Variants in DSCAML1 observed in about 807,000 individuals in gnomAD.
The protein encoded by DSCAML1 is cell adhesion molecule DSCAML1.
A neutral mutation model predicts 200.5 loss-of-function variants in DSCAML1; 38 were observed. The observed-to-expected ratio is 0.19, with a 90% confidence interval of 0.15 to 0.25. DSCAML1 has a LOEUF of 0.25. DSCAML1 is among the 10% of genes least tolerant of loss of function. The probability of loss-of-function intolerance (pLI) is 1.00; values close to 1 mark genes in which losing one functional copy is unlikely to be tolerated. For missense variants in DSCAML1, 2,223 were observed against 2,858.8 expected (o/e 0.78, Z 5.07); for synonymous variants, 1,215 against 1,165.0 (o/e 1.04, Z -0.87).
At chr11:117,670,927 T>G in intron 3 of DSCAML1, among the ~76,000 whole-genome samples, 1 of 152,118 alleles carries the variant, frequency 6.6e-6, no homozygotes, top group East Asian at 1.9e-4. Flanking sequence ...AGGGCCTGGG[T>G]GACAGAGGAA....
chr11:117,776,868 T>C lies in DSCAML1; in HGVS notation c.434A>G (p.Lys145Arg). 2 of 1,614,176 alleles carry C rather than the reference T, an allele frequency of 1.2e-6. No individual in the cohort carries two copies. The highest frequency in any genetic ancestry group is 1.7e-6 in the Non-Finnish European group (2 of 1,180,024). ...CTGCACTGAAGAGGGGATGAGGCACTTGAAGACGGCCACGTTGCCACGCAT... is the reference window on the plus strand; with the variant it reads ...CTGCACTGAAGAGGGGATGAGGCACCTGAAGACGGCCACGTTGCCACGCAT... Reference protein sequence around the residue: ...RSMRGNVAVFKCLIPSSVQEY... With the variant: ...RSMRGNVAVFRCLIPSSVQEY... Residue 145 changes from lysine (K) to arginine (R), a missense_variant, in exon 3 of 33, where the codon AAG (lysine) becomes AGG (arginine). Physicochemically the swap from Lys to Arg is conservative, Grantham distance 26. Transcript: ENST00000651296.
chr11:117,769,114 AT>A (rs2054952671), intron 3 of DSCAML1, among the ~76,000 whole-genome samples: 1 of 128,138 alleles, frequency 7.8e-6, no homozygotes, highest in African/African-American at 2.9e-5. Flanking sequence ...TATAATAGAT[AT>A]TTTATATATA....
At chr11:117,769,162 T>TTA (rs1443145495) in intron 3 of DSCAML1, among the ~76,000 whole-genome samples, 1 of 24,510 alleles carries the variant, frequency 4.1e-5, no homozygotes, top group Non-Finnish European at 9.7e-5. Context: ...TTTATATATA[T>TTA]TATATATTTT....
chr11:117,786,333 G>A (rs538005347), intron 1 of DSCAML1, among the ~76,000 whole-genome samples: 1 of 152,192 alleles, frequency 6.6e-6, no homozygotes, highest in Non-Finnish European at 1.5e-5. Context: ...GCACCACCCC[G>A]ATGCTGTGTT....
intron 3 of DSCAML1, among the ~76,000 whole-genome samples, chr11:117,737,739 C>G (rs932893647): frequency 1.3e-5 from 2 of 152,216 alleles, no homozygotes; most frequent in Non-Finnish European, 2.9e-5. Context: ...GAAGCCTTCA[C>G]TGAGGAGATA....
At chr11:117,587,255 C>CCA (rs538921136) in intron 3 of DSCAML1, among the ~76,000 whole-genome samples, 2 of 140,608 alleles carry the variant, frequency 1.4e-5, no homozygotes, top group Non-Finnish European at 3.1e-5. Context: ...TCTTTCCAAC[C>CCA]CCCCCCCACG....
At chr11:117,577,160 G>C (rs1383041810) in intron 3 of DSCAML1, among the ~76,000 whole-genome samples, 1 of 152,080 alleles carries the variant, frequency 6.6e-6, no homozygotes, top group African/African-American at 2.4e-5. Context: ...AATCTCTCTG[G>C]TCTCTGGCCC....
intron 3 of DSCAML1, among the ~76,000 whole-genome samples, chr11:117,739,747 A>G (rs1349630032): frequency 1.3e-5 from 2 of 152,230 alleles, no homozygotes; most frequent in African/African-American, 2.4e-5. Flanking sequence ...TGGGCAAACC[A>G]GGATGAGTTG....
chr11:117,545,238 C>CA (rs1364459447), intron 3 of DSCAML1, among the ~76,000 whole-genome samples: 1 of 142,424 alleles, frequency 7.0e-6, no homozygotes, highest in African/African-American at 2.7e-5. Context: ...AAAAAAAACA[C>CA]ACACACACAC....
Position 117,796,991 on chromosome 11 carries a change from G to A in DSCAML1, c.46+43C>T, listed in dbSNP as rs112134494. On this transcript the variant is annotated intron_variant, in intron 1 of 32. Transcript: ENST00000651296. ...GCCTCGCCGCCAGCCGCGCCACCCT[G>A]GCCCCGCCGCCTCCGCCGCCCAGCC... 5.3e-6 allele frequency: 7 copies of A among 1,327,516 alleles called. No individual in the cohort carries two copies. In the African/African-American group the frequency reaches 1.1e-4, roughly 20 times the overall value. 82.2% of individuals were successfully genotyped at this position (1,327,516 alleles called of 1,614,324 possible). A position where few individuals can be genotyped will look rare whatever the true frequency, so the allele number is the denominator to read the frequency against.
chr11:117,430,488 C>T lies in DSCAML1; in HGVS notation c.5686+234G>A, dbSNP rs548525370. ...ATTTTACAAATGAGAAACTTAAGGC[C>T]ACAGAGGTTAAATGACTTGCCCAAG... On this transcript the variant is annotated intron_variant, in intron 32 of 32. Transcript: ENST00000651296. 2.0e-4 allele frequency among the ~76,000 whole-genome samples: 31 copies of T among 152,314 alleles called. No homozygotes were observed. In the South Asian group the frequency reaches 5.0e-3, roughly 24 times the overall value.
At chr11:117,775,486 T>C (rs1038989289) in intron 3 of DSCAML1, among the ~76,000 whole-genome samples, 1 of 152,162 alleles carries the variant, frequency 6.6e-6, no homozygotes, top group Non-Finnish European at 1.5e-5. Context: ...TCCAGGAGCT[T>C]CGAATTCCCA....
At chr11:117,772,437 G>A (rs1318692889) in intron 3 of DSCAML1, among the ~76,000 whole-genome samples, 4 of 152,164 alleles carry the variant, frequency 2.6e-5, no homozygotes, top group Non-Finnish European at 5.9e-5. Flanking sequence ...GGCAAGGCAC[G>A]GTGACAACTC....
intron 11 of DSCAML1, among the ~76,000 whole-genome samples, chr11:117,488,714 T>A (rs927612871): frequency 9.8e-5 from 15 of 152,346 alleles, no homozygotes; most frequent in Admixed American, 9.1e-4. Context: ...AATACCCTGA[T>A]GTGCTTGTTT....
At chr11:117,441,291 G>A (rs909830097) in intron 21 of DSCAML1, among the ~76,000 whole-genome samples, 1 of 152,214 alleles carries the variant, frequency 6.6e-6, no homozygotes, top group Non-Finnish European at 1.5e-5. Context: ...AGTCCACAGT[G>A]CAGCCACAGC....
chr11:117,622,800 T>C (rs768409575), intron 3 of DSCAML1, among the ~76,000 whole-genome samples: 2 of 152,164 alleles, frequency 1.3e-5, no homozygotes, highest in Non-Finnish European at 2.9e-5. Flanking sequence ...TCAAGGCACC[T>C]GGCATGCGGA....
At chr11:117,662,250 A>G (rs2052870881) in intron 3 of DSCAML1, among the ~76,000 whole-genome samples, 1 of 152,270 alleles carries the variant, frequency 6.6e-6, no homozygotes, top group Non-Finnish European at 1.5e-5. Flanking sequence ...TTCAGAGAAG[A>G]GAAGGCTGAA....
intron 3 of DSCAML1, among the ~76,000 whole-genome samples, chr11:117,673,352 T>A (rs965398444): frequency 6.6e-6 from 1 of 152,204 alleles, no homozygotes; most frequent in African/African-American, 2.4e-5. Context: ...CTGAGCCAGC[T>A]CCTGGGTGGA....
intron 3 of DSCAML1, among the ~76,000 whole-genome samples, chr11:117,618,003 G>A (rs2051847941): frequency 6.6e-6 from 1 of 152,038 alleles, no homozygotes; most frequent in Admixed American, 6.5e-5. Flanking sequence ...CTATAATAAT[G>A]TCTCTCTCTC....
Sources: allele counts gnomAD v4.1 joint callset (sites outside exome capture counted in the v4.1 genomes callset), GRCh38; gene constraint gnomAD v4.1.1; transcripts MANE v1.5; gene names NCBI Gene and HGNC (gene_info 2026-07-23, HGNC 2026-07-21).